CDH10: variants seen among roughly 807,000 people sequenced by gnomAD.
The protein encoded by CDH10 is cadherin-10.
CDH10 carries 30 observed loss-of-function variants against 73.1 expected under a neutral mutation model. That is an observed-to-expected ratio of 0.41 (90% CI 0.31 to 0.56). The LOEUF (loss-of-function observed/expected upper bound fraction) is 0.56. CDH10 is among the 20% of genes least tolerant of loss of function. The pLI is 0.27. For missense variants in CDH10, 815 were observed against 973.7 expected, an observed-to-expected ratio of 0.84 and a Z score of 2.17; for synonymous variants, 345 against 348.2, an observed-to-expected ratio of 0.99 and a Z score of 0.10.
Position 24,509,595 on chromosome 5 carries a change from C to T in CDH10, c.1227G>A (p.Arg409=), listed in dbSNP as rs753993414. The T allele has an allele frequency of 1.2e-5, 20 of 1,613,738 alleles. No individual in the cohort carries two copies. The Admixed American group carries it at 3.2e-4, about 26-fold the overall frequency. The change falls in exon 7 of 12, where the codon AGG becomes AGA. Residue 409 remains arginine (R), a synonymous_variant. Transcript: ENST00000264463. ...VGTIIGTVMA[R]DPDSISSPIR... ...TGGGGCTGGAAATAGAATCTGGGTC[C>T]CTTGCCATTACAGTACCAATGATTG...
Position 24,617,707 on chromosome 5 carries a change from A to C in CDH10, c.-123-24094T>G, listed in dbSNP as rs113605258. Among the ~76,000 whole-genome samples the C allele has an allele frequency of 7.4e-3, 1,121 of 152,328 alleles. 12 individuals are homozygous for C. Among genetic ancestry groups the C allele is most frequent in the African/African-American group, 0.026 (1,074 of 41,576 alleles). ...AGATGTAACAAAGGAATAATCAAAC[A>C]GCTGCTTCTAACTCTTCATTTGTTC... is the stretch of plus-strand genomic sequence containing the variant. On this transcript the variant is annotated intron_variant, in intron 1 of 11. Coordinates refer to ENST00000264463, the MANE Select transcript of CDH10 (RefSeq NM_006727.5).
intron 5 of CDH10, among the ~76,000 whole-genome samples, chr5:24,523,206 T>C (rs1405035041): frequency 6.6e-6 from 1 of 152,054 alleles, no homozygotes; most frequent in African/African-American, 2.4e-5. Context: ...TGTATAAACA[T>C]ATCTCAACAA....
intron 2 of CDH10, among the ~76,000 whole-genome samples, chr5:24,538,617 A>G (rs1744042706): frequency 6.6e-6 from 1 of 152,128 alleles, no homozygotes; most frequent in African/African-American, 2.4e-5. Context: ...CCTTAAGGCT[A>G]GCCAACAGGC....
chr5:24,628,126 G>A (rs1747571901), intron 1 of CDH10, among the ~76,000 whole-genome samples: 1 of 152,054 alleles, frequency 6.6e-6, no homozygotes, highest in Non-Finnish European at 1.5e-5. Flanking sequence ...AATAAATACT[G>A]CCTCCCCTGG....
chr5:24,568,553 C>T (rs1745247135), intron 2 of CDH10, among the ~76,000 whole-genome samples: 1 of 151,670 alleles, frequency 6.6e-6, no homozygotes, highest in African/African-American at 2.4e-5. Context: ...GGTGGGAATA[C>T]AGAATGGTTC....
At chr5:24,557,560 T>A (rs1561161540) in intron 2 of CDH10, among the ~76,000 whole-genome samples, 1 of 151,820 alleles carries the variant, frequency 6.6e-6, no homozygotes, top group East Asian at 1.9e-4. Context: ...CAACTTAATC[T>A]CATTTTTTAG....
At chr5:24,501,459 A>G (rs1742491601) in intron 8 of CDH10, among the ~76,000 whole-genome samples, 1 of 152,322 alleles carries the variant, frequency 6.6e-6, no homozygotes, top group African/African-American at 2.4e-5. Context: ...AAAGTGTTCC[A>G]AGGAAGAATC....
At chr5:24,528,004 T>C (rs1384978031) in intron 5 of CDH10, among the ~76,000 whole-genome samples, 1 of 151,914 alleles carries the variant, frequency 6.6e-6, no homozygotes, top group Non-Finnish European at 1.5e-5. Flanking sequence ...CTTAGCACAG[T>C]TCTTGGCACA....
chr5:24,569,605 T>A (rs1001242951), intron 2 of CDH10, among the ~76,000 whole-genome samples: 3 of 152,162 alleles, frequency 2.0e-5, no homozygotes, highest in Non-Finnish European at 2.9e-5. Flanking sequence ...TCTGTAAAAA[T>A]TTATTTAAAA....
intron 5 of CDH10, among the ~76,000 whole-genome samples, chr5:24,529,564 G>T (rs1430844560): frequency 6.6e-6 from 1 of 151,952 alleles, no homozygotes; most frequent in Non-Finnish European, 1.5e-5. Context: ...GAAATATATA[G>T]TAGACAACAA....
chr5:24,617,259 G>A (rs1747159106), intron 1 of CDH10, among the ~76,000 whole-genome samples: 1 of 151,980 alleles, frequency 6.6e-6, no homozygotes, highest in Admixed American at 6.6e-5. Flanking sequence ...GATCACGGCA[G>A]ACAAAAAAAT....
At chr5:24,505,696 AATAGACTATCAACTT>A (rs1208650745) in intron 7 of CDH10, among the ~76,000 whole-genome samples, 1 of 152,258 alleles carries the variant, frequency 6.6e-6, no homozygotes, top group African/African-American at 2.4e-5. Context: ...TCATCAAAGT[AATAGACTATCAACTT>A]ATTATGGTGT....
chr5:24,491,853 A>G, intron 10 of CDH10, 26 bp from the exon 11 acceptor site: 1 of 1,511,816 alleles, frequency 6.6e-7, no homozygotes, highest in Non-Finnish European at 9.1e-7. Flanking sequence ...AAATATTACA[A>G]ATGGTTTGGG....
chr5:24,642,217 G>A (rs1282644502), intron 1 of CDH10, among the ~76,000 whole-genome samples: 1 of 152,070 alleles, frequency 6.6e-6, no homozygotes, highest in East Asian at 1.9e-4. Context: ...CTGTGCTGCA[G>A]CCTAGTGGAA....
chr5:24,533,426 G>A (rs1026022203), intron 5 of CDH10, among the ~76,000 whole-genome samples: 6 of 151,774 alleles, frequency 4.0e-5, no homozygotes, highest in South Asian at 2.1e-4. Flanking sequence ...CTATACATTC[G>A]GAGTTGGAGG....
At chr5:24,570,007 C>A (rs1745313881) in intron 2 of CDH10, among the ~76,000 whole-genome samples, 1 of 152,116 alleles carries the variant, frequency 6.6e-6, no homozygotes, top group African/African-American at 2.4e-5. Flanking sequence ...CTCAGGTGAT[C>A]TGCCCGCCTC....
chr5:24,604,871 T>TCAAAAAAAAAAAAA lies in CDH10; in HGVS notation c.-123-11259_-123-11258insTTTTTTTTTTTTTG, dbSNP rs1453322652. On this transcript the variant is annotated intron_variant, in intron 1 of 11. Coordinates refer to ENST00000264463, the MANE Select transcript of CDH10 (RefSeq NM_006727.5). ...CTGGGGAACAAGAGCAAGATGTCTC[T>TCAAAAAAAAAAAAA]AAAAAAAAAAAAAAAAAAAAAAAAC... is the stretch of plus-strand genomic sequence containing the variant. Among the ~76,000 whole-genome samples the TCAAAAAAAAAAAAA allele has an allele frequency of 2.6e-5, 3 of 116,334 alleles. 1 individual carries two copies. Among genetic ancestry groups the TCAAAAAAAAAAAAA allele is most frequent in the African/African-American group, 9.0e-5 (2 of 22,320 alleles). The allele number at this position is 116,334 out of a possible 152,430, so 76.3% of individuals were successfully genotyped here. A position where few individuals can be genotyped will look rare whatever the true frequency, so the allele number is the denominator to read the frequency against.
chr5:24,642,001 G>C (rs1748069584), intron 1 of CDH10, among the ~76,000 whole-genome samples: 1 of 152,098 alleles, frequency 6.6e-6, no homozygotes, highest in East Asian at 1.9e-4. Context: ...TGTGACAGCA[G>C]TATTAGAATG....
intron 5 of CDH10, among the ~76,000 whole-genome samples, chr5:24,520,862 G>T (rs1743301144): frequency 6.6e-6 from 1 of 151,598 alleles, no homozygotes; most frequent in East Asian, 2.0e-4. Context: ...AAATAGCTGG[G>T]ATTACAGGCA....
Sources: gnomAD v4.1 joint callset for allele counts (sites outside exome capture counted in the v4.1 genomes callset) on GRCh38, gnomAD v4.1.1 for gene constraint, MANE v1.5 for transcripts, NCBI Gene and HGNC (gene_info 2026-07-23, HGNC 2026-07-21) for gene names.